KIF25: variants seen among roughly 807,000 people sequenced by gnomAD.
KIF25 encodes kinesin-like protein KIF25.
A neutral mutation model predicts 32.9 loss-of-function variants in KIF25; 19 were observed. The observed-to-expected ratio is 0.58, with a 90% CI of 0.40 to 0.85. KIF25 has a LOEUF of 0.85. Among genes scored for constraint, KIF25 ranks in the 40% least tolerant of loss-of-function variants. KIF25 has a pLI of 0.00. For synonymous variants in KIF25, 225 were observed against 213.7 expected (o/e 1.05, Z -0.46); for missense variants, 485 against 507.0 (o/e 0.96, Z 0.42).
At position 168,039,034 on chromosome 6, in the gene KIF25, G is replaced by A. The variant is rs529420230; in HGVS notation, c.494+305G>A. On this transcript the variant is annotated intron_variant, in intron 9 of 12. Transcript: ENST00000643607. ...TGGGTGATCATTTCACAATGTATTC[G>A]CATATCAAAATATCAAGGTGTATAC... 6.6e-5 allele frequency among the ~76,000 whole-genome samples: 10 copies of A among 150,898 alleles called. No individual in the cohort carries two copies. In the East Asian group the frequency reaches 1.2e-3, roughly 18 times the overall value.
intron 8 of KIF25, among the ~76,000 whole-genome samples, 192 bp from the exon 9 acceptor site, chr6:168,038,361 G>A (rs982407239): frequency 2.0e-5 from 3 of 152,136 alleles, no homozygotes; most frequent in Non-Finnish European, 2.9e-5. Flanking sequence ...CCCAAGACAC[G>A]TATTCACCCT....
At chr6:168,025,204 G>C (rs538204042) in intron 5 of KIF25, among the ~76,000 whole-genome samples, 17 of 152,300 alleles carry the variant, frequency 1.1e-4, no homozygotes, top group African/African-American at 3.6e-4. Context: ...TCAGAGACGC[G>C]GGGACGCTCA....
intron 4 of KIF25, among the ~76,000 whole-genome samples, chr6:168,005,296 G>A (rs528293361): frequency 2.3e-4 from 35 of 152,294 alleles, no homozygotes; most frequent in Admixed American, 5.2e-4. Context: ...GCAGGTTGAC[G>A]GGGAAGAGCA....
At chr6:167,999,619 C>G (rs530970724) in intron 2 of KIF25, among the ~76,000 whole-genome samples, 41 of 152,144 alleles carry the variant, frequency 2.7e-4, no homozygotes, top group Non-Finnish European at 5.3e-4. Context: ...CGGGGTCCGA[C>G]CGAACAGGGA....
intron 8 of KIF25, among the ~76,000 whole-genome samples, chr6:168,034,909 C>G (rs551686680): frequency 2.6e-5 from 4 of 152,224 alleles, no homozygotes; most frequent in Non-Finnish European, 5.9e-5. Flanking sequence ...ACCTGTAATC[C>G]TAGCACTTTG....
intron 6 of KIF25, among the ~76,000 whole-genome samples, chr6:168,030,252 C>T (rs1384079090): frequency 6.6e-6 from 1 of 152,116 alleles, no homozygotes; most frequent in African/African-American, 2.4e-5. Flanking sequence ...GCTGAACTGA[C>T]CTGGGGCCTA....
chr6:168,002,765 A>G (rs1157640461), intron 3 of KIF25, 106 bp downstream of exon 3: 1 of 152,242 alleles, frequency 6.6e-6, no homozygotes, highest in East Asian at 1.9e-4. Flanking sequence ...GTAATATACA[A>G]CAAAATAATA....
chr6:168,010,924 A>G (rs1184496339), intron 4 of KIF25, among the ~76,000 whole-genome samples: 2 of 151,614 alleles, frequency 1.3e-5, no homozygotes, highest in Non-Finnish European at 2.9e-5. Flanking sequence ...AAGTAAGGCT[A>G]CTCCTGATTG....
At chr6:168,011,230 G>T (rs750624787) in intron 4 of KIF25, among the ~76,000 whole-genome samples, 9 of 152,074 alleles carry the variant, frequency 5.9e-5, no homozygotes, top group Admixed American at 1.3e-4. Flanking sequence ...CATTTAGGTG[G>T]TTTTCTGTAG....
chr6:168,001,654 C>T (rs544055198), intron 2 of KIF25, among the ~76,000 whole-genome samples: 1 of 107,506 alleles, frequency 9.3e-6, no homozygotes, highest in Non-Finnish European at 1.8e-5. Context: ...CAGGCGTGGC[C>T]TCGGGCAGGT....
chr6:168,006,004 T>C (rs2636353), intron 4 of KIF25, among the ~76,000 whole-genome samples: 133,444 of 152,190 alleles, frequency 0.88, 58,572 homozygotes, highest in East Asian at 0.89. Context: ...GCGGCTCTCA[T>C]GGGAGGGTCA....
At chr6:168,012,936 G>T (rs1798667447) in intron 4 of KIF25, among the ~76,000 whole-genome samples, 1 of 150,840 alleles carries the variant, frequency 6.6e-6, no homozygotes, top group East Asian at 1.9e-4. Context: ...CAGGTTTCAG[G>T]CTGTGTGGCT....
intron 5 of KIF25, among the ~76,000 whole-genome samples, chr6:168,024,423 C>CTTTTTTT (rs56243912): frequency 3.7e-4 from 23 of 61,994 alleles, no homozygotes; most frequent in Middle Eastern, 0.013. Flanking sequence ...AAACCTCTCT[C>CTTTTTTT]TTTTTTTTTT....
rs575692334 is a variant in KIF25, at chr6:168,016,798, C to T, written c.-162-1175C>T. The stretch of plus-strand genomic sequence containing the variant: ...GAGGCCAGTTAGGGGATAGCCAGGG[C>T]GCTGTTTCATTACACTGGACAATAG... On this transcript the variant is annotated intron_variant, in intron 4 of 12. Coordinates refer to ENST00000643607, the MANE Select transcript of KIF25 (RefSeq NM_030615.4). Among the ~76,000 whole-genome samples the T allele has an allele frequency of 9.2e-5, 14 of 152,320 alleles. No homozygotes were observed. The East Asian group carries it at 1.5e-3, about 17-fold the overall frequency.
intron 4 of KIF25, among the ~76,000 whole-genome samples, chr6:168,015,945 C>A (rs190474963): frequency 1.3e-5 from 2 of 152,202 alleles, no homozygotes; most frequent in East Asian, 3.9e-4. Flanking sequence ...GTTTGCTTTT[C>A]TTTATGGTTA....
intron 6 of KIF25, 112 bp downstream of exon 6, chr6:168,029,789 T>G: frequency 1.5e-6 from 2 of 1,377,470 alleles, no homozygotes; most frequent in African/African-American, 1.5e-5. Context: ...ATTTTCTGAG[T>G]GAAAAGTTAA....
intron 2 of KIF25, among the ~76,000 whole-genome samples, chr6:168,001,451 C>T (rs1175981616): frequency 6.6e-6 from 1 of 152,238 alleles, no homozygotes; most frequent in African/African-American, 2.4e-5. Context: ...AGCCTCCCTG[C>T]GAGCCTCCCA....
At chr6:168,001,905 G>C (rs555370925) in intron 2 of KIF25, among the ~76,000 whole-genome samples, 2 of 85,556 alleles carry the variant, frequency 2.3e-5, no homozygotes, top group South Asian at 1.2e-3. Flanking sequence ...CAGGTGAGAA[G>C]ACACCTGAGG....
In KIF25 at chr6:167,998,381, C is replaced by A. The variant is rs562703631; in HGVS notation, c.-1088C>A. 1.3e-5 allele frequency: 2 copies of A among 152,226 alleles called. No homozygotes were observed. Among genetic ancestry groups the A allele is most frequent in the African/African-American group, 4.8e-5 (2 of 41,524 alleles). The allele number at this position is 152,226 out of a possible 1,614,324, so 9.4% of individuals were successfully genotyped here. On this transcript the variant is annotated 5_prime_UTR_variant, in exon 1 of 13. The change creates a new upstream start codon in the 5' untranslated region. Coordinates refer to ENST00000643607, the MANE Select transcript of KIF25 (RefSeq NM_030615.4). Reference sequence around the variant, plus strand: ...TGGGTTCATAGAGACCAGACGGAGGCTGTAAATCATTGGCCTATGACACCC... The same window carrying A: ...TGGGTTCATAGAGACCAGACGGAGGATGTAAATCATTGGCCTATGACACCC...
Sources: allele counts gnomAD v4.1 joint callset (sites outside exome capture counted in the v4.1 genomes callset), GRCh38; gene constraint gnomAD v4.1.1; transcripts MANE v1.5; gene names NCBI Gene and HGNC (gene_info 2026-07-23, HGNC 2026-07-21).